MYO5C: variants seen among roughly 807,000 people sequenced by gnomAD.
MYO5C encodes the protein unconventional myosin-Vc.
Under a neutral mutation model 235.7 loss-of-function variants are expected in MYO5C, and 194 were observed. The observed-to-expected ratio is 0.82, with a 90% CI of 0.73 to 0.93. The LOEUF (loss-of-function observed/expected upper bound fraction) is 0.93, where lower values mean the gene tolerates loss of function less well. MYO5C is among the 40% of genes least tolerant of loss of function. The probability of loss-of-function intolerance (pLI) is 0.00; values close to 1 mark genes in which losing one functional copy is unlikely to be tolerated. For synonymous variants in MYO5C, 707 were observed against 754.8 expected, an observed-to-expected ratio of 0.94 and a Z score of 1.04; for missense variants, 2,038 against 2,127.2, an observed-to-expected ratio of 0.96 and a Z score of 0.82.
chr15:52,286,913 C>T (rs1266416249), intron 1 of MYO5C, among the ~76,000 whole-genome samples: 23 of 140,304 alleles, frequency 1.6e-4, no homozygotes, highest in African/African-American at 2.2e-4. Context: ...TCCCCCTCTG[C>T]GAGAAACACC....
intron 7 of MYO5C, 152 bp from the exon 8 acceptor site, chr15:52,270,012 A>C: frequency 1.8e-6 from 1 of 550,810 alleles, no homozygotes; most frequent in Non-Finnish European, 3.2e-6. Flanking sequence ...CATTACAGCC[A>C]GGTGTGGAGG....
intron 8 of MYO5C, among the ~76,000 whole-genome samples, chr15:52,269,455 G>C (rs972515424): frequency 7.7e-6 from 1 of 129,356 alleles, no homozygotes; most frequent in East Asian, 2.4e-4. Context: ...GCAGTGGTGT[G>C]ATCTCGGCTC....
intron 28 of MYO5C, 84 bp downstream of exon 28, chr15:52,224,817 C>T (rs1028529176): frequency 2.8e-6 from 3 of 1,072,712 alleles, no homozygotes; most frequent in Non-Finnish European, 4.2e-6. Context: ...GTGTATCAAT[C>T]TATGTAAGGT....
chr15:52,239,687 C>A, intron 21 of MYO5C, 46 bp downstream of exon 21: 1 of 1,549,484 alleles, frequency 6.5e-7, no homozygotes, highest in Non-Finnish European at 8.7e-7. Context: ...CAAACTACAG[C>A]CATGTAAGAA....
At chr15:52,277,716 G>A (rs1439835496) in intron 4 of MYO5C, 1 of 397,234 alleles carries the variant, frequency 2.5e-6, no homozygotes, top group Middle Eastern at 8.9e-4. Context: ...GCTTGTCCCT[G>A]AGGATGACGG....
rs753936401 is a variant in MYO5C at position 52,247,749 on chromosome 15, C to T, written c.1747-157G>A. On this transcript the variant is annotated intron_variant, in intron 14 of 40. Coordinates refer to ENST00000261839, the MANE Select transcript of MYO5C (RefSeq NM_018728.4). The stretch of plus-strand genomic sequence containing the variant: ...CCAAATCTCAATTCCACAAGACGAT[C>T]GTCTTTCATAGGGATGGCCCGTGAC... Among the ~76,000 whole-genome samples, 18 of 152,300 alleles carry T rather than the reference C, an allele frequency of 1.2e-4. No homozygotes were observed. The East Asian group carries it at 1.9e-3, about 16-fold the overall frequency.
At chr15:52,293,304 T>C (rs2037431463) in intron 1 of MYO5C, among the ~76,000 whole-genome samples, 1 of 152,048 alleles carries the variant, frequency 6.6e-6, no homozygotes, top group Non-Finnish European at 1.5e-5. Flanking sequence ...CACAGATGCA[T>C]TCCCCGCTGG....
intron 9 of MYO5C, among the ~76,000 whole-genome samples, chr15:52,263,065 C>A (rs1337711005): frequency 6.6e-6 from 1 of 152,160 alleles, no homozygotes; most frequent in Non-Finnish European, 1.5e-5. Flanking sequence ...AGAAAGTCCT[C>A]ACCAGAACCG....
intron 30 of MYO5C, 45 bp downstream of exon 30, chr15:52,221,117 C>T (rs1425046163): frequency 2.7e-6 from 4 of 1,475,534 alleles, no homozygotes; most frequent in East Asian, 2.3e-5. Flanking sequence ...TTCCGGGGTA[C>T]AGGAAACCGT....
rs775031196 is a variant in MYO5C at position 52,246,094 on chromosome 15, G to A, written c.1980-52C>T. 4.6e-5 allele frequency: 66 copies of A among 1,447,512 alleles called. 1 individual carries two copies. In the South Asian group the frequency reaches 7.2e-4, roughly 16 times the overall value. The allele number at this position is 1,447,512 out of a possible 1,614,324, so 89.7% of individuals were successfully genotyped here. On this transcript the variant is annotated intron_variant, in intron 16 of 40. Transcript: ENST00000261839. ...TTGAGGCATCGTAATTGCTCAACATGCCCATAAACAGGCACAGCAGACCTG... is the reference window on the plus strand; with the variant it reads ...TTGAGGCATCGTAATTGCTCAACATACCCATAAACAGGCACAGCAGACCTG...
intron 13 of MYO5C, chr15:52,251,171 A>T: frequency 2.9e-6 from 1 of 350,640 alleles, no homozygotes; most frequent in Non-Finnish European, 5.1e-6. Flanking sequence ...CAAAATCAGA[A>T]GTGTGGTCTT....
chr15:52,268,030 G>A (rs1324543250), intron 8 of MYO5C, among the ~76,000 whole-genome samples: 1 of 152,190 alleles, frequency 6.6e-6, no homozygotes, highest in African/African-American at 2.4e-5. Context: ...ATTATAAAAT[G>A]TTTAAACTGC....
intron 29 of MYO5C, 131 bp from the exon 30 acceptor site, chr15:52,221,386 G>GT: frequency 1.6e-6 from 1 of 620,296 alleles, no homozygotes; most frequent in Non-Finnish European, 2.7e-6. Flanking sequence ...AGCTAGCCAC[G>GT]ACATTAGACT....
At chr15:52,259,830 G>A (rs537912824) in intron 10 of MYO5C, among the ~76,000 whole-genome samples, 3 of 152,374 alleles carry the variant, frequency 2.0e-5, no homozygotes, top group East Asian at 3.9e-4. Flanking sequence ...GTCCAACAGC[G>A]TGGTGTGGCC....
intron 11 of MYO5C, 122 bp downstream of exon 11, chr15:52,256,517 C>G (rs2036581732): frequency 3.0e-6 from 2 of 662,390 alleles, no homozygotes; most frequent in Non-Finnish European, 5.3e-6. Flanking sequence ...AGGCTCCTTG[C>G]ATAAAAATTT....
At position 52,192,590 on chromosome 15, in the gene MYO5C, C is replaced by G. The variant is rs879599994; in HGVS notation, c.*1312G>C. 2.6e-5 allele frequency: 4 copies of G among 152,130 alleles called. No individual in the cohort carries two copies. The highest frequency in any genetic ancestry group is 4.4e-5 in the Non-Finnish European group (3 of 68,028). The allele number at this position is 152,130 out of a possible 1,614,324, so 9.4% of individuals were successfully genotyped here. A position where few individuals can be genotyped will look rare whatever the true frequency, so the allele number is the denominator to read the frequency against. On this transcript the variant is annotated 3_prime_UTR_variant, in exon 41 of 41. Coordinates refer to ENST00000261839, the MANE Select transcript of MYO5C (RefSeq NM_018728.4). ...TGGTGACAGAATAGCACTGGATCCACAGGCCAGAGACTAGGAGTGCTTATC... is the reference window on the plus strand; with the variant it reads ...TGGTGACAGAATAGCACTGGATCCAGAGGCCAGAGACTAGGAGTGCTTATC...
At chr15:52,215,576 A>AG (rs2035533035) in intron 32 of MYO5C, among the ~76,000 whole-genome samples, 1 of 152,164 alleles carries the variant, frequency 6.6e-6, no homozygotes, top group Admixed American at 6.5e-5. Context: ...CCCTGGCTAG[A>AG]CATGTTAGGA....
Position 52,260,990 on chromosome 15 carries a change from G to C in MYO5C, c.1185C>G (p.Val395=), listed in dbSNP as rs909454828. 6.2e-7 allele frequency: 1 copy of C among 1,614,228 alleles called. No homozygotes were observed. The highest frequency in any genetic ancestry group is 8.5e-7 in the Non-Finnish European group (1 of 1,180,046). The change falls in exon 10 of 41, where the codon GTC becomes GTG. Residue 395 remains valine, a synonymous_variant. Coordinates refer to ENST00000261839, the MANE Select transcript of MYO5C (RefSeq NM_018728.4). The stretch of plus-strand genomic sequence containing the variant: ...TTTTGGCCAGTGCATCCCTGGCGTT[G>C]ACAGCCTGAGGCCTGGTCATGGGTT... ...VVKPMTRPQA[V]NARDALAKKI...
chr15:52,209,618 T>C (rs780105758), intron 35 of MYO5C, among the ~76,000 whole-genome samples: 2 of 152,168 alleles, frequency 1.3e-5, no homozygotes, highest in Non-Finnish European at 2.9e-5. Flanking sequence ...CATCTCTTGA[T>C]TTATGAATAT....
Sources: gnomAD v4.1 joint callset for allele counts (sites outside exome capture counted in the v4.1 genomes callset) on GRCh38, gnomAD v4.1.1 for gene constraint, MANE v1.5 for transcripts, NCBI Gene and HGNC (gene_info 2026-07-23, HGNC 2026-07-21) for gene names.